The following ABCA5 variants were observed in gnomAD, a reference collection of about 807,000 sequenced individuals.
ABCA5 encodes ATP binding cassette subfamily A member 5, also known as cholesterol transporter ABCA5.
ABCA5 carries 163 observed loss-of-function variants against 206.0 expected under a neutral mutation model. That is an observed-to-expected ratio of 0.79 (90% CI 0.70 to 0.90). The LOEUF is 0.90. Among genes scored for constraint, ABCA5 ranks in the 40% least tolerant of loss-of-function variants. The pLI, the probability that ABCA5 is intolerant of heterozygous loss-of-function variation, is 0.00. For synonymous variants in ABCA5, 609 were observed against 613.8 expected (o/e 0.99, Z 0.11); for missense variants, 1,859 against 1,912.9 (o/e 0.97, Z 0.53).
intron 14 of ABCA5, 116 bp from the exon 15 acceptor site, chr17:69,287,867 T>C (rs2075477009): frequency 3.0e-6 from 3 of 984,122 alleles, no homozygotes; most frequent in Middle Eastern, 2.7e-4. Flanking sequence ...ATCAGAAATA[T>C]ATTAGATCAG....
In ABCA5 at chr17:69,262,312, G is replaced by T. The variant is rs545805658; in HGVS notation, c.3316-564C>A. 1.1e-4 allele frequency among the ~76,000 whole-genome samples: 17 copies of T among 152,088 alleles called. No homozygotes were observed. In the South Asian group the frequency reaches 3.5e-3, roughly 32 times the overall value. ...TATACTGCATGATGCTGAGGTTTGGGGTATAATTCATTCTGTCACCTAGGT... is the reference window on the plus strand; with the variant it reads ...TATACTGCATGATGCTGAGGTTTGGTGTATAATTCATTCTGTCACCTAGGT... On this transcript the variant is annotated intron_variant, in intron 24 of 38. Coordinates refer to ENST00000392676, the MANE Select transcript of ABCA5 (RefSeq NM_172232.4).
intron 1 of ABCA5, chr17:69,325,627 T>G (rs891334402): frequency 2.6e-5 from 4 of 152,158 alleles, no homozygotes; most frequent in Admixed American, 1.3e-4. Context: ...ATCTGGAATG[T>G]AAAAGACATG....
chr17:69,285,113 G>A (rs1173346736), intron 17 of ABCA5, among the ~76,000 whole-genome samples: 2 of 152,040 alleles, frequency 1.3e-5, no homozygotes, highest in African/African-American at 4.8e-5. Context: ...AGCAATAATA[G>A]TATTTATCTC....
rs1474412684 is a variant in ABCA5 at position 69,256,280 on chromosome 17, G to A, written c.3735C>T (p.Asn1245=). 1 of 1,572,036 alleles carries A rather than the reference G, an allele frequency of 6.4e-7. No homozygotes were observed. The stretch of plus-strand genomic sequence containing the variant: ...TCCTATTTTTAGACTTCGTTGAAAG[G>A]TTTCTACATATATATAATAAATATA... The part of the protein sequence containing the change: ...RSIRKDPFFR[N]LSTKSKNRKL... Residue 1245 remains asparagine, a synonymous_variant, in exon 29 of 39, where the codon AAC becomes AAT. Coordinates refer to ENST00000392676, the MANE Select transcript of ABCA5 (RefSeq NM_172232.4).
chr17:69,273,437 A>AT (rs1394213759), intron 20 of ABCA5, among the ~76,000 whole-genome samples: 4 of 148,618 alleles, frequency 2.7e-5, no homozygotes, highest in Admixed American at 1.4e-4. Flanking sequence ...CAAAGTATAA[A>AT]TTTTTTTAAC....
chr17:69,306,451 G>A (rs954548575), intron 6 of ABCA5, among the ~76,000 whole-genome samples: 1 of 151,964 alleles, frequency 6.6e-6, no homozygotes, highest in Non-Finnish European at 1.5e-5. Flanking sequence ...AAATATACAC[G>A]GAGTGTGCCC....
At chr17:69,322,363 C>CAAAAAAAAAAAAAAAAAAAAAAAAAAA (rs3029978) in intron 1 of ABCA5, among the ~76,000 whole-genome samples, 1 of 52,390 alleles carries the variant, frequency 1.9e-5, no homozygotes. Context: ...GATTCCGTCT[C>CAAAAAAAAAAAAAAAAAAAAAAAAAAA]AAAAAAAAAA....
intron 19 of ABCA5, among the ~76,000 whole-genome samples, chr17:69,274,775 C>T (rs1003341898): frequency 2.0e-5 from 3 of 150,474 alleles, no homozygotes; most frequent in African/African-American, 7.3e-5. Context: ...GACATTATGT[C>T]TCAAATATTT....
intron 7 of ABCA5, among the ~76,000 whole-genome samples, chr17:69,303,365 G>C (rs2075671911): frequency 6.6e-6 from 1 of 151,840 alleles, no homozygotes. Flanking sequence ...CAATCTTCTT[G>C]CCTTGCCTCC....
At chr17:69,324,948 T>G (rs1763463091) in intron 1 of ABCA5, among the ~76,000 whole-genome samples, 1 of 152,148 alleles carries the variant, frequency 6.6e-6, no homozygotes, top group Non-Finnish European at 1.5e-5. Context: ...AAAATATGCC[T>G]TTTAGCTTAA....
rs750233721 is a variant in ABCA5 at position 69,261,178 on chromosome 17, A to C, written c.3511T>G (p.Cys1171Gly). 6.8e-6 allele frequency: 11 copies of C among 1,606,564 alleles called. No homozygotes were observed. The highest frequency in any genetic ancestry group is 2.6e-6 in the Non-Finnish European group (3 of 1,175,960). ...TIATILHYAF[C>G]IIIPIYPLLG... is the part of the protein sequence containing the mutation. ...AGTGGATAGATTGGAATGATGATAC[A>C]AAAGGCATAATGAAGAATAGTTGCA... is the stretch of plus-strand genomic sequence containing the variant. The change falls in exon 26 of 39, where the codon TGT becomes GGT. Residue 1171 changes from cysteine to glycine, a missense_variant. Cys to Gly is a radical substitution (Grantham distance 159). Transcript: ENST00000392676.
At chr17:69,268,935 A>G (rs1336498628) in intron 22 of ABCA5, 2 of 152,212 alleles carry the variant, frequency 1.3e-5, no homozygotes, top group South Asian at 2.1e-4. Flanking sequence ...CTCTCGTAAT[A>G]TGACAGTGGA....
Position 69,284,057 on chromosome 17 carries a change from A to G in ABCA5, c.2288T>C (p.Leu763Pro). Residue 763 changes from leucine to proline, a missense_variant, in exon 18 of 39, where the codon CTA (leucine) becomes CCA (proline). Transcript: ENST00000392676. The stretch of plus-strand genomic sequence containing the variant: ...GACACCCAAATTTGAATGACTGTCT[A>G]GGGCAGAAAACAAACCTAAAAGAAA... ...MDKFSGLFSALDSHSNLGVIS... is the reference protein window; with the variant it reads ...MDKFSGLFSAPDSHSNLGVIS... 6.3e-7 allele frequency: 1 copy of G among 1,581,386 alleles called. No individual in the cohort carries two copies. Among genetic ancestry groups the G allele is most frequent in the Non-Finnish European group, 8.6e-7 (1 of 1,167,760 alleles).
Position 69,253,830 on chromosome 17 carries a change from C to G in ABCA5, c.4284G>C (p.Lys1428Asn). The change falls in exon 33 of 39, where the codon AAG becomes AAC. Residue 1428 changes from lysine to asparagine, a missense_variant. By Grantham distance (94) the Lys-to-Asn change is moderately conservative (BLOSUM62 0). Coordinates refer to ENST00000392676, the MANE Select transcript of ABCA5 (RefSeq NM_172232.4). ...HALDLKEHLQKTVKKLPAGIK... is the reference protein window; with the variant it reads ...HALDLKEHLQNTVKKLPAGIK... ...TTCCTGCAGGTAGTTTCTTTACAGT[C>G]TTCTGAAGATGTTCTTTTAAATCAA... 1 of 1,612,802 alleles carries G rather than the reference C, an allele frequency of 6.2e-7. No individual in the cohort carries two copies. The highest frequency in any genetic ancestry group is 8.5e-7 in the Non-Finnish European group (1 of 1,179,612).
chr17:69,300,557 A>G (rs1426964488), intron 9 of ABCA5, among the ~76,000 whole-genome samples: 3 of 152,218 alleles, frequency 2.0e-5, no homozygotes, highest in African/African-American at 7.2e-5. Flanking sequence ...GCTACTGAGC[A>G]CTTGGAATGT....
intron 8 of ABCA5, among the ~76,000 whole-genome samples, chr17:69,301,721 T>C (rs2075654165): frequency 6.6e-6 from 1 of 152,178 alleles, no homozygotes; most frequent in South Asian, 2.1e-4. Flanking sequence ...GTATTTTGAT[T>C]AATTAACACA....
chr17:69,294,785 A>G, intron 10 of ABCA5, 72 bp from the exon 11 acceptor site: 2 of 902,262 alleles, frequency 2.2e-6, no homozygotes, highest in Non-Finnish European at 3.4e-6. Flanking sequence ...TACCATGCAT[A>G]TTTTTATCAA....
At position 69,322,363 on chromosome 17, in the gene ABCA5, C is replaced by CAAAAAAAAA. The variant is rs3029978; in HGVS notation, c.-16+4680_-16+4688dup. ...CTGGCAACAGAGCAAGATTCCGTCT[C>CAAAAAAAAA]AAAAAAAAAAAAAAAAAAAAAAAAG... On this transcript the variant is annotated intron_variant, in intron 1 of 38. Coordinates refer to ENST00000392676, the MANE Select transcript of ABCA5 (RefSeq NM_172232.4). Among the ~76,000 whole-genome samples, 14 of 52,380 alleles carry CAAAAAAAAA rather than the reference C, an allele frequency of 2.7e-4. 3 individuals carry two copies. The highest frequency in any genetic ancestry group is 1.5e-3 in the East Asian group (2 of 1,306). The allele number at this position is 52,380 out of a possible 152,430, so 34.4% of individuals were successfully genotyped here.
chr17:69,316,278 A>G (rs1429645988), intron 1 of ABCA5, among the ~76,000 whole-genome samples: 1 of 152,234 alleles, frequency 6.6e-6, no homozygotes, highest in Non-Finnish European at 1.5e-5. Context: ...AGATCACCTG[A>G]GGTCAGGAGT....
Sources: gnomAD v4.1 joint callset for allele counts (sites outside exome capture counted in the v4.1 genomes callset) on GRCh38, gnomAD v4.1.1 for gene constraint, MANE v1.5 for transcripts, NCBI Gene and HGNC (gene_info 2026-07-23, HGNC 2026-07-21) for gene names.